Variants in GLB1 observed in about 807,000 individuals in gnomAD.
The protein encoded by GLB1 is galactosidase beta 1, also known as beta-galactosidase.
Under a neutral mutation model 74.0 loss-of-function variants are expected in GLB1, and 56 were observed. That is an observed-to-expected ratio of 0.76 (90% CI 0.61 to 0.94). The LOEUF (loss-of-function observed/expected upper bound fraction) is 0.94, where lower values mean the gene tolerates loss of function less well. GLB1 is among the 40% of genes least tolerant of loss of function. The pLI, the probability that GLB1 is intolerant of heterozygous loss-of-function variation, is 0.00. For missense variants in GLB1, 787 were observed against 845.5 expected, an observed-to-expected ratio of 0.93 and a Z score of 0.86; for synonymous variants, 323 against 323.6, an observed-to-expected ratio of 1.00 and a Z score of 0.02.
At chr3:32,980,927 C>T in the GLB1 span, among the ~76,000 whole-genome samples, 2 of 151,606 alleles carry the variant, frequency 1.3e-5, no homozygotes, top group East Asian at 3.9e-4. Context: ...CCCATCTCTA[C>T]TAAAAATACA....
At position 33,046,234 on chromosome 3, in the gene GLB1, T is replaced by C. The variant is rs771975396; in HGVS notation, c.956-2A>G. 1.9e-6 allele frequency: 3 copies of C among 1,613,900 alleles called. No individual in the cohort carries two copies. The highest frequency in any genetic ancestry group is 1.1e-5 in the South Asian group (1 of 91,058). On this transcript the variant is annotated splice_acceptor_variant, in intron 9 of 15. Coordinates refer to ENST00000307363, the MANE Select transcript of GLB1 (RefSeq NM_000404.4). LOFTEE classifies it high-confidence loss of function. ...GTGCTGCATAGGGTGAGTTGGCCCC[T>C]AGAAGACAAAAATGTGCCACTAGTT...
intron 10 of GLB1, chr3:33,034,634 A>G (rs1698194628): frequency 2.7e-6 from 2 of 727,812 alleles, no homozygotes; most frequent in Admixed American, 3.7e-5. Context: ...CAATGATGTC[A>G]TGTAGCATGC....
chr3:33,081,284 A>T (rs976478374), intron 1 of GLB1, among the ~76,000 whole-genome samples: 2 of 152,162 alleles, frequency 1.3e-5, no homozygotes, highest in Non-Finnish European at 2.9e-5. Flanking sequence ...TGAGGGGGAA[A>T]ATCCCAGGCC....
the GLB1 span, among the ~76,000 whole-genome samples, chr3:32,966,122 A>C: frequency 1.3e-5 from 2 of 152,224 alleles, no homozygotes; most frequent in African/African-American, 2.4e-5. Context: ...AGCTGTGAGA[A>C]GAGGGCCACT....
chr3:32,967,378 C>A, the GLB1 span, among the ~76,000 whole-genome samples: 1 of 152,122 alleles, frequency 6.6e-6, no homozygotes, highest in African/African-American at 2.4e-5. Context: ...ACCAGCCTGG[C>A]CAACATGGTG....
chr3:33,084,151 G>A (rs577041752), intron 1 of GLB1, among the ~76,000 whole-genome samples: 6 of 152,234 alleles, frequency 3.9e-5, no homozygotes, highest in Admixed American at 6.5e-5. Flanking sequence ...TTCCTGACAC[G>A]AGCTGTTCAG....
intron 9 of GLB1, 34 bp from the exon 10 acceptor site, chr3:33,046,266 G>A: frequency 6.2e-7 from 1 of 1,610,332 alleles, no homozygotes; most frequent in South Asian, 1.1e-5. Flanking sequence ...AGTTATTACT[G>A]ATGGTGCAGC....
chr3:33,068,937 T>C lies in GLB1; in HGVS notation c.279A>G (p.Pro93=). ...YVPWNFHEPW[P]GQYQFSEDHD... Reference sequence around the variant, plus strand: ...GGTCCTCAGAAAACTGGTACTGTCCTGGCCAGGGCTCATGAAAGTTCCAGG... The same window carrying C: ...GGTCCTCAGAAAACTGGTACTGTCCCGGCCAGGGCTCATGAAAGTTCCAGG... The change falls in exon 3 of 16, where the codon CCA becomes CCG. Residue 93 remains proline, a synonymous_variant. Coordinates refer to ENST00000307363, the MANE Select transcript of GLB1 (RefSeq NM_000404.4). 5.6e-6 allele frequency: 9 copies of C among 1,614,180 alleles called. No homozygotes were observed. Among genetic ancestry groups the C allele is most frequent in the Non-Finnish European group, 7.6e-6 (9 of 1,180,026 alleles).
chr3:33,053,132 A>C (rs1699066920), intron 7 of GLB1, among the ~76,000 whole-genome samples: 1 of 152,244 alleles, frequency 6.6e-6, no homozygotes, highest in Non-Finnish European at 1.5e-5. Flanking sequence ...CACACTGGCT[A>C]TATGACCCTG....
intron 1 of GLB1, among the ~76,000 whole-genome samples, chr3:33,087,627 A>T (rs1344260361): frequency 3.5e-5 from 5 of 141,020 alleles, no homozygotes; most frequent in Admixed American, 2.1e-4. Flanking sequence ...ACACACACAC[A>T]CACTCAAAGA....
At chr3:33,012,939 T>A (rs748332445) in intron 15 of GLB1, among the ~76,000 whole-genome samples, 5 of 152,212 alleles carry the variant, frequency 3.3e-5, no homozygotes, top group Non-Finnish European at 5.9e-5. Context: ...TTTCCTCGAA[T>A]CCATAAGTGT....
At chr3:33,092,541 G>C (rs1004929675) in intron 1 of GLB1, 1 of 1,165,104 alleles carries the variant, frequency 8.6e-7, no homozygotes, top group Non-Finnish European at 1.1e-6. Context: ...AGCTCTGCAG[G>C]AGAAGGTCCC....
intron 4 of GLB1, among the ~76,000 whole-genome samples, chr3:33,067,002 C>CT (rs63579460): frequency 0.61 from 82,248 of 135,370 alleles, 27,453 homozygotes; most frequent in Non-Finnish European, 0.74. Context: ...GTTTTTATTT[C>CT]TTTTTTTTTT....
chr3:32,994,306 G>C (rs1363647370), downstream of GLB1, among the ~76,000 whole-genome samples: 1 of 152,194 alleles, frequency 6.6e-6, no homozygotes, highest in Non-Finnish European at 1.5e-5. Context: ...TGCTGAGAGA[G>C]ATCAGACACA....
chr3:33,023,775 C>T (rs1473010930), intron 11 of GLB1, among the ~76,000 whole-genome samples: 1 of 152,086 alleles, frequency 6.6e-6, no homozygotes, highest in Non-Finnish European at 1.5e-5. Context: ...CCCCATTTAA[C>T]GTATAAACCA....
chr3:32,978,765 C>CTTTTTTTTTTTTTTTTTTTTTTTT, the GLB1 span, among the ~76,000 whole-genome samples: 1 of 126,072 alleles, frequency 7.9e-6, no homozygotes, highest in African/African-American at 3.0e-5. Context: ...TTCTTTCTTT[C>CTTTTTTTTTTTTTTTTTTTTTTTT]TTTTTTTTTT....
the GLB1 span, among the ~76,000 whole-genome samples, chr3:32,973,566 G>A: frequency 6.6e-6 from 1 of 151,990 alleles, no homozygotes; most frequent in African/African-American, 2.4e-5. Context: ...GGCTGGTCTT[G>A]AACTCCTGAC....
intron 1 of GLB1, among the ~76,000 whole-genome samples, chr3:33,073,352 G>C (rs1699958548): frequency 6.6e-6 from 1 of 152,154 alleles, no homozygotes. Flanking sequence ...CCTGATTTGT[G>C]AATAATAAAC....
intron 10 of GLB1, among the ~76,000 whole-genome samples, chr3:33,032,288 C>T (rs925330117): frequency 8.5e-5 from 13 of 152,150 alleles, no homozygotes; most frequent in African/African-American, 3.1e-4. Context: ...CCAACCTTTC[C>T]GACTTCTCCC....
Sources: gnomAD v4.1 joint callset for allele counts (sites outside exome capture counted in the v4.1 genomes callset) on GRCh38, gnomAD v4.1.1 for gene constraint, MANE v1.5 for transcripts, NCBI Gene and HGNC (gene_info 2026-07-23, HGNC 2026-07-21) for gene names.